Variants in CNOT6L observed in about 807,000 individuals in gnomAD.
The protein encoded by CNOT6L is CCR4-NOT transcription complex subunit 6 like.
A neutral mutation model predicts 64.0 loss-of-function variants in CNOT6L; 7 were observed. That is an observed-to-expected ratio of 0.11 (90% CI 0.06 to 0.21). The LOEUF is 0.21. CNOT6L is among the 10% of genes least tolerant of loss of function. The pLI is 1.00. For synonymous variants in CNOT6L, 193 were observed against 243.4 expected (o/e 0.79, Z 1.93); for missense variants, 245 against 669.0 (o/e 0.37, Z 6.99).
chr4:77,754,853 G>A (rs1196187861), intron 5 of CNOT6L, among the ~76,000 whole-genome samples: 1 of 56,740 alleles, frequency 1.8e-5, no homozygotes, highest in Non-Finnish European at 3.4e-5. Flanking sequence ...AATACATATG[G>A]AAAAGTCATA....
intron 1 of CNOT6L, among the ~76,000 whole-genome samples, chr4:77,788,457 A>C (rs1729711111): frequency 6.6e-6 from 1 of 152,212 alleles, no homozygotes; most frequent in Non-Finnish European, 1.5e-5. Flanking sequence ...GCCAGGCACC[A>C]TGGCTCACGC....
chr4:77,807,183 C>A (rs765789395), intron 1 of CNOT6L, among the ~76,000 whole-genome samples: 2 of 148,958 alleles, frequency 1.3e-5, no homozygotes, highest in Non-Finnish European at 3.0e-5. Context: ...GAGGCTGAGG[C>A]AGGAGAATCG....
upstream of CNOT6L, chr4:77,819,527 T>G: frequency 1.3e-6 from 1 of 771,356 alleles, no homozygotes. Context: ...TAACCGGGGC[T>G]CGCGGGCGGG....
chr4:77,752,251 A>AT (rs1393010443), intron 5 of CNOT6L, among the ~76,000 whole-genome samples: 1 of 152,220 alleles, frequency 6.6e-6, no homozygotes, highest in East Asian at 1.9e-4. Flanking sequence ...ACACATGAAA[A>AT]TACACCCTAA....
chr4:77,756,802 A>G, intron 5 of CNOT6L, 60 bp downstream of exon 5: 6 of 1,039,400 alleles, frequency 5.8e-6, no homozygotes, highest in South Asian at 2.9e-5. Flanking sequence ...TGAGGAACAT[A>G]TATTAGCTAG....
chr4:77,813,404 A>T (rs1478187097), intron 1 of CNOT6L, among the ~76,000 whole-genome samples: 1 of 152,184 alleles, frequency 6.6e-6, no homozygotes, highest in Non-Finnish European at 1.5e-5. Flanking sequence ...AGCACAGCAA[A>T]AATAATAACA....
chr4:77,815,178 A>C (rs1377607778), intron 1 of CNOT6L, among the ~76,000 whole-genome samples: 1 of 152,204 alleles, frequency 6.6e-6, no homozygotes, highest in Non-Finnish European at 1.5e-5. Flanking sequence ...TTCCTATGAA[A>C]CTATACCCAG....
At chr4:77,736,984 ATAACT>A (rs1176588031) in intron 8 of CNOT6L, among the ~76,000 whole-genome samples, 1 of 55,144 alleles carries the variant, frequency 1.8e-5, no homozygotes, top group Admixed American at 2.4e-4. Context: ...AAATAAAGAC[ATAACT>A]CAATTTCTTA....
chr4:77,811,588 A>T (rs905062901), intron 1 of CNOT6L, among the ~76,000 whole-genome samples: 1 of 152,104 alleles, frequency 6.6e-6, no homozygotes, highest in African/African-American at 2.4e-5. Flanking sequence ...AGGGAGAGGG[A>T]AAAAGAGGAA....
intron 5 of CNOT6L, among the ~76,000 whole-genome samples, chr4:77,749,499 T>C (rs2109970769): frequency 6.6e-6 from 1 of 152,316 alleles, no homozygotes; most frequent in South Asian, 2.1e-4. Flanking sequence ...CTACCTAAGC[T>C]GGCTTGCTTA....
At chr4:77,724,370 G>C (rs1401311649) in intron 11 of CNOT6L, among the ~76,000 whole-genome samples, 1 of 151,640 alleles carries the variant, frequency 6.6e-6, no homozygotes, top group Admixed American at 6.6e-5. Flanking sequence ...TGGGTAGGGT[G>C]GCTCACACCT....
At chr4:77,816,311 T>C (rs141796196) in intron 1 of CNOT6L, among the ~76,000 whole-genome samples, 1 of 152,296 alleles carries the variant, frequency 6.6e-6, no homozygotes, top group Non-Finnish European at 1.5e-5. Context: ...TAAAGTCCAA[T>C]GAAAATTACT....
intron 1 of CNOT6L, among the ~76,000 whole-genome samples, chr4:77,787,239 C>A (rs146791000): frequency 0.048 from 7,045 of 145,376 alleles, 430 homozygotes; most frequent in East Asian, 0.17. Flanking sequence ...GCACTCCAGC[C>A]TGGGCAACAA....
intron 11 of CNOT6L, among the ~76,000 whole-genome samples, chr4:77,721,531 T>C (rs1721273635): frequency 6.6e-6 from 1 of 152,198 alleles, no homozygotes; most frequent in Admixed American, 6.5e-5. Flanking sequence ...GCCAATACTT[T>C]AAATGGTATT....
chr4:77,799,973 G>A (rs964372651), intron 1 of CNOT6L, among the ~76,000 whole-genome samples: 5 of 151,608 alleles, frequency 3.3e-5, no homozygotes, highest in Admixed American at 2.6e-4. Context: ...GTAGTACATG[G>A]CAAATCCAAG....
chr4:77,752,325 G>C (rs78990543), intron 5 of CNOT6L, among the ~76,000 whole-genome samples: 1,608 of 152,228 alleles, frequency 0.011, 31 homozygotes, highest in African/African-American at 0.037. Context: ...TTTTGACATA[G>C]CTTTATTGGT....
chr4:77,813,348 C>A (rs560419978), intron 1 of CNOT6L, among the ~76,000 whole-genome samples: 2 of 151,978 alleles, frequency 1.3e-5, no homozygotes, highest in African/African-American at 2.4e-5. Flanking sequence ...GATAGATTAG[C>A]TAGATTAGAA....
intron 1 of CNOT6L, among the ~76,000 whole-genome samples, chr4:77,780,054 G>A (rs955236136): frequency 6.6e-6 from 1 of 151,830 alleles, no homozygotes; most frequent in African/African-American, 2.4e-5. Flanking sequence ...CTCAGGTCTC[G>A]GCATCAACTT....
intron 1 of CNOT6L, among the ~76,000 whole-genome samples, chr4:77,806,852 A>G (rs1226271036): frequency 6.6e-6 from 1 of 152,050 alleles, no homozygotes; most frequent in Admixed American, 6.6e-5. Context: ...ACCTGGACTC[A>G]TTTTTCTGCA....
Sources: gnomAD v4.1 joint callset for allele counts (sites outside exome capture counted in the v4.1 genomes callset) on GRCh38, gnomAD v4.1.1 for gene constraint, MANE v1.5 for transcripts, NCBI Gene and HGNC (gene_info 2026-07-23, HGNC 2026-07-21) for gene names.